Variants in SUFU observed in about 807,000 individuals in gnomAD.
SUFU encodes suppressor of fused homolog.
Under a neutral mutation model 58.9 loss-of-function variants are expected in SUFU, and 7 were observed. The ratio of observed to expected loss-of-function variants is 0.12; its 90% CI spans 0.07 to 0.22. The LOEUF (loss-of-function observed/expected upper bound fraction) is 0.22, where lower values mean the gene tolerates loss of function less well. Among genes scored for constraint, SUFU ranks in the 10% least tolerant of loss-of-function variants. The pLI is 1.00. For synonymous variants in SUFU, 232 were observed against 254.8 expected, an observed-to-expected ratio of 0.91 and a Z score of 0.85; for missense variants, 451 against 641.3, an observed-to-expected ratio of 0.70 and a Z score of 3.20.
rs563277118 is a variant in SUFU, at chr10:102,535,534, G to A, written c.318-14436G>A. 2.0e-5 allele frequency among the ~76,000 whole-genome samples: 3 copies of A among 152,062 alleles called. No individual in the cohort carries two copies. The South Asian group carries it at 6.2e-4, about 32-fold the overall frequency. ...AGAAAGAAAAAAGAAAGAAATAAGA[G>A]CTTTTGTAGGGGAAGAAGTGACATC... On this transcript the variant is annotated intron_variant, in intron 2 of 11. Coordinates refer to ENST00000369902, the MANE Select transcript of SUFU (RefSeq NM_016169.4).
intron 2 of SUFU, among the ~76,000 whole-genome samples, chr10:102,528,809 A>G (rs924521943): frequency 5.3e-5 from 8 of 152,152 alleles, no homozygotes; most frequent in South Asian, 2.1e-4. Context: ...GGGCAAATGC[A>G]TTCCATGAAT....
chr10:102,552,458 C>T (rs1192706563), intron 3 of SUFU, among the ~76,000 whole-genome samples: 2 of 151,888 alleles, frequency 1.3e-5, no homozygotes, highest in Admixed American at 6.6e-5. Flanking sequence ...CACACACACA[C>T]GCACCCCAGT....
intron 2 of SUFU, among the ~76,000 whole-genome samples, chr10:102,529,162 T>C (rs1244725052): frequency 2.0e-5 from 3 of 152,202 alleles, no homozygotes; most frequent in African/African-American, 7.2e-5. Flanking sequence ...CCCAACACCA[T>C]TTTCAAATGT....
At chr10:102,541,029 A>G (rs1228316652) in intron 2 of SUFU, among the ~76,000 whole-genome samples, 1 of 152,092 alleles carries the variant, frequency 6.6e-6, no homozygotes, top group Non-Finnish European at 1.5e-5. Context: ...CTCGAAAAAA[A>G]AAAGTTACTT....
chr10:102,586,180 C>T lies in SUFU; in HGVS notation c.455-6402C>T, dbSNP rs533867457. On this transcript the variant is annotated intron_variant, in intron 3 of 11. Transcript: ENST00000369902. ...GATTACAGGTGTGAGCCACCATGCC[C>T]GGCCAGCTATTTGTATGTCTTCTTT... 6.9e-4 allele frequency among the ~76,000 whole-genome samples: 105 copies of T among 152,068 alleles called. No homozygotes were observed. In the South Asian group the frequency reaches 0.021, roughly 30 times the overall value.
upstream of SUFU, among the ~76,000 whole-genome samples, chr10:102,503,454 G>A (rs1462768718): frequency 6.6e-6 from 1 of 152,152 alleles, no homozygotes; most frequent in African/African-American, 2.4e-5. Flanking sequence ...TGACACTGAT[G>A]GTTGAGAAAA....
intron 2 of SUFU, among the ~76,000 whole-genome samples, chr10:102,539,818 A>G (rs1368401521): frequency 1.3e-5 from 2 of 152,250 alleles, no homozygotes; most frequent in Non-Finnish European, 2.9e-5. Context: ...CATAATATAA[A>G]TACAAATCTA....
chr10:102,571,576 G>C lies in SUFU; in HGVS notation c.455-21006G>C, dbSNP rs149771884. Among the ~76,000 whole-genome samples, 812 of 152,314 alleles carry C rather than the reference G, an allele frequency of 5.3e-3. 5 individuals carry two copies. The highest frequency in any genetic ancestry group is 0.019 in the African/African-American group (775 of 41,562). On this transcript the variant is annotated intron_variant, in intron 3 of 11. Transcript: ENST00000369902. ...ATGGTGGTGCACACCTGTAATTCCA[G>C]CTACTTGGGAGACTAAGGCAGGAGA...
chr10:102,536,363 C>CTT (rs11290425), intron 2 of SUFU, among the ~76,000 whole-genome samples: 2 of 101,922 alleles, frequency 2.0e-5, no homozygotes, highest in Non-Finnish European at 1.9e-5. Context: ...AATTTTATTG[C>CTT]TTTTTTTTTT....
At chr10:102,518,515 G>GTCTATCTATCTA (rs534274959) in intron 2 of SUFU, among the ~76,000 whole-genome samples, 2,835 of 114,082 alleles carry the variant, frequency 0.025, 30 homozygotes, top group African/African-American at 0.041. Flanking sequence ...CTGTCTGTCT[G>GTCTATCTATCTA]TCTGTCTATC....
At chr10:102,587,054 T>C (rs966540033) in intron 3 of SUFU, among the ~76,000 whole-genome samples, 4 of 152,270 alleles carry the variant, frequency 2.6e-5, no homozygotes, top group Non-Finnish European at 5.9e-5. Flanking sequence ...TATGGCTGAA[T>C]AGTATTCCAT....
chr10:102,622,335 G>A (rs2063746321), intron 10 of SUFU, among the ~76,000 whole-genome samples: 3 of 152,190 alleles, frequency 2.0e-5, no homozygotes, highest in South Asian at 2.1e-4. Flanking sequence ...GCCAGGTGCG[G>A]TGGCTCACGC....
intron 2 of SUFU, among the ~76,000 whole-genome samples, chr10:102,530,477 C>T (rs1385047268): frequency 1.5e-5 from 2 of 132,376 alleles, no homozygotes; most frequent in Admixed American, 8.3e-5. Context: ...TTAATGGAGA[C>T]AGGGACTCAC....
At chr10:102,593,828 G>C (rs966249541) in intron 5 of SUFU, 107 bp downstream of exon 5, 2 of 1,398,680 alleles carry the variant, frequency 1.4e-6, no homozygotes, top group Non-Finnish European at 2.0e-6. Context: ...TTCAGACCCT[G>C]GTTTTTCACA....
chr10:102,576,333 T>G (rs994957739), intron 3 of SUFU, among the ~76,000 whole-genome samples: 7 of 152,074 alleles, frequency 4.6e-5, no homozygotes, highest in African/African-American at 1.4e-4. Context: ...GTTTCTATGT[T>G]TTTTTTTCTT....
chr10:102,538,518 A>G (rs1232730171), intron 2 of SUFU, among the ~76,000 whole-genome samples: 1 of 152,150 alleles, frequency 6.6e-6, no homozygotes, highest in Admixed American at 6.6e-5. Context: ...GGAAACTACA[A>G]TTATCTTCGT....
At position 102,595,437 on chromosome 10, in the gene SUFU, G is replaced by T. The variant is rs571083205; in HGVS notation, c.756+1372G>T. 1.7e-4 allele frequency among the ~76,000 whole-genome samples: 26 copies of T among 152,342 alleles called. No homozygotes were observed. The East Asian group carries it at 4.8e-3, about 28-fold the overall frequency. On this transcript the variant is annotated intron_variant, in intron 6 of 11. Coordinates refer to ENST00000369902, the MANE Select transcript of SUFU (RefSeq NM_016169.4). ...TATGCAAGAACCAGGAACCAGGAAG[G>T]CTATCTTTCCCTAAGCCCTTGTTCT... is the stretch of plus-strand genomic sequence containing the variant.
At chr10:102,537,294 C>A (rs1189007460) in intron 2 of SUFU, among the ~76,000 whole-genome samples, 1 of 151,936 alleles carries the variant, frequency 6.6e-6, no homozygotes, top group East Asian at 1.9e-4. Context: ...CCATGGCCAG[C>A]TAATTTTTAA....
At chr10:102,577,979 C>T (rs768827689) in intron 3 of SUFU, among the ~76,000 whole-genome samples, 2 of 149,504 alleles carry the variant, frequency 1.3e-5, no homozygotes, top group Non-Finnish European at 1.5e-5. Context: ...CCGTGCCTGG[C>T]CAGGACTACG....
Sources: gnomAD v4.1 joint callset for allele counts (sites outside exome capture counted in the v4.1 genomes callset) on GRCh38, gnomAD v4.1.1 for gene constraint, MANE v1.5 for transcripts, NCBI Gene and HGNC (gene_info 2026-07-23, HGNC 2026-07-21) for gene names.